Variants in VAPB observed in about 807,000 individuals in gnomAD.
VAPB encodes VAMP associated protein B and C.
VAPB carries 7 observed loss-of-function variants against 25.6 expected under a neutral mutation model. The observed-to-expected ratio is 0.27, with a 90% CI of 0.16 to 0.51. The LOEUF is 0.51. Among genes scored for constraint, VAPB ranks in the 20% least tolerant of loss-of-function variants. VAPB has a pLI of 0.97. For missense variants in VAPB, 266 were observed against 301.3 expected, an observed-to-expected ratio of 0.88 and a Z score of 0.87; for synonymous variants, 112 against 109.2, an observed-to-expected ratio of 1.03 and a Z score of -0.16.
chr20:58,389,657 G>A (rs1264363323), intron 1 of VAPB, 140 bp downstream of exon 1: 1 of 909,306 alleles, frequency 1.1e-6, no homozygotes, highest in Non-Finnish European at 1.5e-6. Context: ...GCCGGGCCGG[G>A]CCTTGGCGCT....
intron 2 of VAPB, among the ~76,000 whole-genome samples, chr20:58,419,596 T>A (rs1034326935): frequency 6.6e-6 from 1 of 152,232 alleles, no homozygotes; most frequent in African/African-American, 2.4e-5. Context: ...ATCGTGAAAC[T>A]AGCAAATAAC....
chr20:58,442,416 G>A (rs1989182619), intron 5 of VAPB, among the ~76,000 whole-genome samples: 1 of 152,134 alleles, frequency 6.6e-6, no homozygotes, highest in Non-Finnish European at 1.5e-5. Flanking sequence ...GGTAGAAATA[G>A]CTTCTATATA....
chr20:58,407,645 C>T (rs1005949342), intron 1 of VAPB, among the ~76,000 whole-genome samples: 9 of 151,430 alleles, frequency 5.9e-5, no homozygotes, highest in Non-Finnish European at 1.2e-4. Context: ...CTGATTCATA[C>T]GCCCTCCTTT....
chr20:58,440,746 A>G lies in VAPB; in HGVS notation c.397-161A>G. 1.1e-5 allele frequency: 7 copies of G among 644,336 alleles called. No individual in the cohort carries two copies. The South Asian group carries it at 1.3e-4, about 12-fold the overall frequency. The allele number at this position is 644,336 out of a possible 1,614,324, so 39.9% of individuals were successfully genotyped here. A position where few individuals can be genotyped will look rare whatever the true frequency, so the allele number is the denominator to read the frequency against. On this transcript the variant is annotated intron_variant, in intron 4 of 5. Transcript: ENST00000475243. The stretch of plus-strand genomic sequence containing the variant: ...GGCCCTGTTGCTTTAGATTATTAAG[A>G]TATCAGATAAAGTAATCCATTTTTA...
At chr20:58,427,289 T>C (rs1036738319) in intron 2 of VAPB, among the ~76,000 whole-genome samples, 13 of 144,450 alleles carry the variant, frequency 9.0e-5, no homozygotes, top group Admixed American at 5.6e-4. Flanking sequence ...CAGGCGAAAG[T>C]GATCTGTGAT....
At chr20:58,425,980 C>T (rs888090336) in intron 2 of VAPB, among the ~76,000 whole-genome samples, 1 of 152,196 alleles carries the variant, frequency 6.6e-6, no homozygotes, top group Admixed American at 6.5e-5. Context: ...GCAACCTCCA[C>T]CTCCTGGGTT....
intron 2 of VAPB, among the ~76,000 whole-genome samples, chr20:58,428,696 T>C (rs997055785): frequency 2.0e-5 from 3 of 152,196 alleles, no homozygotes; most frequent in African/African-American, 7.2e-5. Flanking sequence ...AAAAAGTACA[T>C]AATTTCTGTC....
chr20:58,398,755 G>A (rs1474608715), intron 1 of VAPB, among the ~76,000 whole-genome samples: 1 of 152,116 alleles, frequency 6.6e-6, no homozygotes, highest in Non-Finnish European at 1.5e-5. Flanking sequence ...CCTAGGAAGT[G>A]GGTACAGTTA....
At position 58,409,913 on chromosome 20, in the gene VAPB, A is replaced by C. The variant is rs541110226; in HGVS notation, c.59-8298A>C. 9.9e-5 allele frequency among the ~76,000 whole-genome samples: 15 copies of C among 150,850 alleles called. No individual in the cohort carries two copies. The East Asian group carries it at 2.9e-3, about 29-fold the overall frequency. The stretch of plus-strand genomic sequence containing the variant: ...AGAATCTTTATTCATATACACACAC[A>C]CACACACACACACACACACACAATA... On this transcript the variant is annotated intron_variant, in intron 1 of 5. Coordinates refer to ENST00000475243, the MANE Select transcript of VAPB (RefSeq NM_004738.5).
Position 58,418,336 on chromosome 20 carries a change from G to T in VAPB, c.184G>T (p.Asp62Tyr). Reference sequence around the variant, plus strand: ...TGTGAGGCCCAACAGCGGAATCATCGATGCAGGGGCCTCAATTAATGTATC... The same window carrying T: ...TGTGAGGCCCAACAGCGGAATCATCTATGCAGGGGCCTCAATTAATGTATC... ...YCVRPNSGIIDAGASINVSVM... is the reference protein window; with the variant it reads ...YCVRPNSGIIYAGASINVSVM... Residue 62 changes from aspartate to tyrosine, a missense_variant, in exon 2 of 6, where the codon GAT becomes TAT. This residue lies in a region of VAPB where 98 missense variants were observed against 147.1 expected (regional missense o/e 0.67). Coordinates refer to ENST00000475243, the MANE Select transcript of VAPB (RefSeq NM_004738.5). The T allele has an allele frequency of 1.2e-6, 2 of 1,614,138 alleles. No individual in the cohort carries two copies. Among genetic ancestry groups the T allele is most frequent in the Non-Finnish European group, 1.7e-6 (2 of 1,180,020 alleles).
rs1987723722 is a variant in VAPB, at chr20:58,389,377, T to G, written c.-83T>G. 7.0e-7 allele frequency: 1 copy of G among 1,436,712 alleles called. No homozygotes were observed. Among genetic ancestry groups the G allele is most frequent in the Non-Finnish European group, 9.4e-7 (1 of 1,065,258 alleles). The allele number at this position is 1,436,712 out of a possible 1,614,324, so 89.0% of individuals were successfully genotyped here. A position where few individuals can be genotyped will look rare whatever the true frequency, so the allele number is the denominator to read the frequency against. On this transcript the variant is annotated 5_prime_UTR_variant, in exon 1 of 6. Transcript: ENST00000475243. ...CCGGTCCCCGCCTTTTTGTAAAACT[T>G]AAAGCGGGCGCAGCATTAACGCTTC...
rs1349520445 is a variant in VAPB, at chr20:58,448,719, A to G, written c.*4484A>G. 4.4e-6 allele frequency: 2 copies of G among 454,010 alleles called. No homozygotes were observed. The highest frequency in any genetic ancestry group is 1.6e-5 in the South Asian group (1 of 64,472). 28.1% of individuals were successfully genotyped at this position (454,010 alleles called of 1,614,324 possible). ...TTATTTTCACACTAAAGTAAGTAGA[A>G]TTAAGACTGTAGTTCAGATGCTTTT... On this transcript the variant is annotated 3_prime_UTR_variant, in exon 6 of 6. Transcript: ENST00000475243.
chr20:58,417,037 A>C (rs569722144), intron 1 of VAPB, among the ~76,000 whole-genome samples: 2 of 152,226 alleles, frequency 1.3e-5, no homozygotes, highest in African/African-American at 4.8e-5. Context: ...GTGAACACAT[A>C]AGCGCACACC....
chr20:58,413,328 A>AT (rs1988427034), intron 1 of VAPB, among the ~76,000 whole-genome samples: 13 of 151,510 alleles, frequency 8.6e-5, no homozygotes, highest in Admixed American at 6.6e-4. Flanking sequence ...TGGGTACTTG[A>AT]GATTAGGGAC....
intron 1 of VAPB, among the ~76,000 whole-genome samples, chr20:58,392,419 G>A (rs1018649007): frequency 6.6e-6 from 1 of 152,202 alleles, no homozygotes; most frequent in African/African-American, 2.4e-5. Context: ...AAGAGAAGTG[G>A]TACCAAATTG....
rs1989190918 is a variant in VAPB, at chr20:58,442,756, A to G, written c.574-1321A>G. Among the ~76,000 whole-genome samples the G allele has an allele frequency of 2.6e-5, 4 of 152,246 alleles. No homozygotes were observed. In the South Asian group the frequency reaches 8.3e-4, roughly 32 times the overall value. On this transcript the variant is annotated intron_variant, in intron 5 of 5. Coordinates refer to ENST00000475243, the MANE Select transcript of VAPB (RefSeq NM_004738.5). ...GGGAGAGACATAGACAGAAGTGATT[A>G]CAAGCCAGTGTGATCAATGTCCCAC...
rs886056821 is a variant in VAPB, at chr20:58,447,863, A to G, written c.*3628A>G. On this transcript the variant is annotated 3_prime_UTR_variant, in exon 6 of 6. Transcript: ENST00000475243. ...TTTCTCATTGTAGTTTGAGAAATAC[A>G]TGTATGAAGAGATAGGGGTCTTGGG... is the stretch of plus-strand genomic sequence containing the variant. 2.2e-6 allele frequency: 1 copy of G among 453,950 alleles called. No homozygotes were observed. Among genetic ancestry groups the G allele is most frequent in the Admixed American group, 2.4e-5 (1 of 42,546 alleles). 28.1% of individuals were successfully genotyped at this position (453,950 alleles called of 1,614,324 possible).
In VAPB at chr20:58,447,496, G is replaced by A. The variant is rs1352988372; in HGVS notation, c.*3261G>A. Reference sequence around the variant, plus strand: ...AAAAATGAAGAACCTCCAGTGATCCGTGAAAACCTAAACGCTTTCAAACAA... The same window carrying A: ...AAAAATGAAGAACCTCCAGTGATCCATGAAAACCTAAACGCTTTCAAACAA... On this transcript the variant is annotated 3_prime_UTR_variant, in exon 6 of 6. Transcript: ENST00000475243. 3 of 454,094 alleles carry A rather than the reference G, an allele frequency of 6.6e-6. No individual in the cohort carries two copies. Among genetic ancestry groups the A allele is most frequent in the Non-Finnish European group, 1.3e-5 (3 of 226,790 alleles). The allele number at this position is 454,094 out of a possible 1,614,324, so 28.1% of individuals were successfully genotyped here.
Position 58,448,769 on chromosome 20 carries a change from C to T in VAPB, c.*4534C>T, listed in dbSNP as rs1415940355. The T allele has an allele frequency of 2.9e-5, 13 of 453,980 alleles. No homozygotes were observed. The highest frequency in any genetic ancestry group is 4.0e-5 in the Non-Finnish European group (9 of 226,798). The allele number at this position is 453,980 out of a possible 1,614,324, so 28.1% of individuals were successfully genotyped here. ...TTCTTTTTCTGTTGGAAACTGAACACACTACAGACAGTGAAAAAAGGTACA... is the reference window on the plus strand; with the variant it reads ...TTCTTTTTCTGTTGGAAACTGAACATACTACAGACAGTGAAAAAAGGTACA... On this transcript the variant is annotated 3_prime_UTR_variant, in exon 6 of 6. Transcript: ENST00000475243.
Sources: allele counts gnomAD v4.1 joint callset (sites outside exome capture counted in the v4.1 genomes callset), GRCh38; gene constraint gnomAD v4.1.1; regional missense constraint gnomAD v4.1.1; transcripts MANE v1.5; gene names NCBI Gene and HGNC (gene_info 2026-07-23, HGNC 2026-07-21).